Variants in ATP13A5 observed in about 807,000 individuals in gnomAD.
ATP13A5 encodes probable cation-transporting ATPase 13A5.
Under a neutral mutation model 150.2 loss-of-function variants are expected in ATP13A5, and 149 were observed. The observed-to-expected ratio is 0.99, with a 90% CI of 0.87 to 1.14. The LOEUF (loss-of-function observed/expected upper bound fraction) is 1.14, where lower values mean the gene tolerates loss of function less well. Ranked by LOEUF, ATP13A5 falls within the 50% of genes most tolerant of loss-of-function variation. ATP13A5 has a pLI of 0.00. For missense variants in ATP13A5, 1,383 were observed against 1,449.3 expected (o/e 0.95, Z 0.74); for synonymous variants, 497 against 522.2 (o/e 0.95, Z 0.66).
In ATP13A5 at chr3:193,344,075, C is replaced by A. The variant is rs1474050252; in HGVS notation, c.815-20G>T. 2 of 1,608,332 alleles carry A rather than the reference C, an allele frequency of 1.2e-6. No homozygotes were observed. The highest frequency in any genetic ancestry group is 1.7e-5 in the Admixed American group (1 of 59,062). On this transcript the variant is annotated intron_variant, in intron 8 of 29. Transcript: ENST00000342358. The stretch of plus-strand genomic sequence containing the variant: ...CCAAACCTACACCAAAGCAAAGTTT[C>A]CATGAATAGCTGACCTTTTCCTGTT...
rs1719267535 is a variant in ATP13A5, at chr3:193,321,354, G to A, written c.1915+327C>T. 2.0e-5 allele frequency among the ~76,000 whole-genome samples: 3 copies of A among 152,254 alleles called. No homozygotes were observed. The South Asian group carries it at 6.2e-4, about 32-fold the overall frequency. On this transcript the variant is annotated intron_variant, in intron 16 of 29. Transcript: ENST00000342358. Reference sequence around the variant, plus strand: ...GGCTTTATGTATTTGGTCTCGGCTGGCCGCGGTGGCTCACACCTATAATCC... The same window carrying A: ...GGCTTTATGTATTTGGTCTCGGCTGACCGCGGTGGCTCACACCTATAATCC...
At chr3:193,345,390 T>C (rs2108886186) in intron 7 of ATP13A5, among the ~76,000 whole-genome samples, 1 of 152,166 alleles carries the variant, frequency 6.6e-6, no homozygotes, top group East Asian at 1.9e-4. Context: ...AATGGGAGTT[T>C]AATTGAGGAA....
chr3:193,279,257 C>T, intron 28 of ATP13A5, 109 bp downstream of exon 28: 1 of 832,688 alleles, frequency 1.2e-6, no homozygotes, highest in South Asian at 1.7e-5. Context: ...AATAGCCTCA[C>T]AGTATTTGGT....
Position 193,364,227 on chromosome 3 carries a change from T to A in ATP13A5, c.117A>T (p.Ala39=). 1 of 1,614,126 alleles carries A rather than the reference T, an allele frequency of 6.2e-7. No homozygotes were observed. Among genetic ancestry groups the A allele is most frequent in the Non-Finnish European group, 8.5e-7 (1 of 1,179,960 alleles). ...GAAGGCCCCCACAGGTCAGCACGGA[T>A]GCGACAAGGCAGAAGGCTTTCCGTA... The part of the protein sequence containing the change: ...HNVRKAFCLV[A]SVLTCGGLLL... The change falls in exon 2 of 30, where the codon GCA becomes GCT. Residue 39 remains alanine, a synonymous_variant. Transcript: ENST00000342358.
intron 9 of ATP13A5, among the ~76,000 whole-genome samples, chr3:193,335,731 T>C (rs1009211736): frequency 6.6e-6 from 1 of 152,160 alleles, no homozygotes; most frequent in African/African-American, 2.4e-5. Flanking sequence ...TTGCCACTAC[T>C]GAATAAAGAC....
At chr3:193,294,013 G>T (rs966550098) in intron 25 of ATP13A5, among the ~76,000 whole-genome samples, 6 of 152,054 alleles carry the variant, frequency 3.9e-5, no homozygotes, top group African/African-American at 1.4e-4. Flanking sequence ...TCTAACCCAC[G>T]TCAGGTCGAT....
At chr3:193,363,914 G>T (rs1200836816) in intron 2 of ATP13A5, among the ~76,000 whole-genome samples, 193 bp downstream of exon 2, 1 of 152,024 alleles carries the variant, frequency 6.6e-6, no homozygotes, top group Admixed American at 6.6e-5. Context: ...TTCCTTCCTG[G>T]GTCAAAATGA....
intron 1 of ATP13A5, among the ~76,000 whole-genome samples, chr3:193,368,875 A>G (rs1713345158): frequency 6.6e-6 from 1 of 152,218 alleles, no homozygotes; most frequent in African/African-American, 2.4e-5. Context: ...TATTCTATGA[A>G]CCTCAAGTAG....
At position 193,362,565 on chromosome 3, in the gene ATP13A5, A is replaced by C; in HGVS notation, c.455+2T>G. The C allele has an allele frequency of 1.2e-6, 2 of 1,614,118 alleles. No homozygotes were observed. The highest frequency in any genetic ancestry group is 1.1e-5 in the South Asian group (1 of 91,084). On this transcript the variant is annotated splice_donor_variant, in intron 4 of 29. Transcript: ENST00000342358. LOFTEE classifies it high-confidence loss of function. ...CAAGGGGTGACAAAACATTGTACTTACCCAACTTTCTGAAACCGCTTCTCC... is the reference window on the plus strand; with the variant it reads ...CAAGGGGTGACAAAACATTGTACTTCCCCAACTTTCTGAAACCGCTTCTCC...
rs141586294 is a variant in ATP13A5 at position 193,277,168 on chromosome 3, A to T, written c.3316-338T>A. On this transcript the variant is annotated intron_variant, in intron 28 of 29. Transcript: ENST00000342358. The stretch of plus-strand genomic sequence containing the variant: ...TTATCTTTTCAAACAGAAGGCTAAG[A>T]TTAAATCATTCATCAAATAATGTTA... Among the ~76,000 whole-genome samples, 578 of 152,336 alleles carry T rather than the reference A, an allele frequency of 3.8e-3. 1 individual carries two copies. Among genetic ancestry groups the T allele is most frequent in the Non-Finnish European group, 5.9e-3 (401 of 68,032 alleles).
At chr3:193,313,058 A>G (rs1189897179) in intron 19 of ATP13A5, 2 of 152,194 alleles carry the variant, frequency 1.3e-5, no homozygotes, top group Non-Finnish European at 2.9e-5. Flanking sequence ...GTTAAAATTC[A>G]CAAAGGACCT....
intron 22 of ATP13A5, 22 bp downstream of exon 22, chr3:193,307,305 A>G (rs773797922): frequency 1.2e-6 from 2 of 1,613,556 alleles, no homozygotes; most frequent in East Asian, 2.2e-5. Context: ...GGCTTGTCTG[A>G]GCAAAAGCCA....
In ATP13A5 at chr3:193,314,956, A is replaced by T; in HGVS notation, c.2158+16T>A. On this transcript the variant is annotated intron_variant, in intron 18 of 29. Transcript: ENST00000342358. The stretch of plus-strand genomic sequence containing the variant: ...GATACAATCAACTTGCCAGGCCCCT[A>T]GAAACAAATACATACCTGTAATCAT... 1 of 1,610,530 alleles carries T rather than the reference A, an allele frequency of 6.2e-7. No individual in the cohort carries two copies. The highest frequency in any genetic ancestry group is 8.5e-7 in the Non-Finnish European group (1 of 1,177,794).
At chr3:193,345,242 C>A (rs1348773892) in intron 7 of ATP13A5, among the ~76,000 whole-genome samples, 167 bp from the exon 8 acceptor site, 1 of 152,184 alleles carries the variant, frequency 6.6e-6, no homozygotes, top group Non-Finnish European at 1.5e-5. Context: ...CCTACCTCAC[C>A]TGACCCCCTA....
Position 193,333,815 on chromosome 3 carries a change from C to T in ATP13A5, c.1207G>A (p.Val403Met), listed in dbSNP as rs147789936. The T allele has an allele frequency of 4.4e-5, 71 of 1,613,918 alleles. No homozygotes were observed. The highest frequency in any genetic ancestry group is 3.6e-4 in the South Asian group (33 of 91,068). ...ATGACACCAAGGCAGGCCAGGAACA[C>T]GATGAACTTGAAGGCATCGCTGTAT... ...KLYSDAFKFI[V>M]FLACLGVMGF... The change falls in exon 11 of 30, where the codon GTG becomes ATG. Residue 403 changes from valine to methionine, a missense_variant. By Grantham distance (21) the Val-to-Met change is conservative (BLOSUM62 1). Transcript: ENST00000342358.
chr3:193,290,344 C>A (rs1577327583), intron 25 of ATP13A5, among the ~76,000 whole-genome samples: 1 of 152,000 alleles, frequency 6.6e-6, no homozygotes, highest in African/African-American at 2.4e-5. Flanking sequence ...TCCTCCATAA[C>A]CAGACTGACC....
At chr3:193,299,072 G>T in intron 25 of ATP13A5, 59 bp downstream of exon 25, 2 of 1,410,388 alleles carry the variant, frequency 1.4e-6, no homozygotes, top group Admixed American at 2.3e-5. Context: ...TTGTGTGACT[G>T]TTTCTAGAAT....
chr3:193,311,789 C>G, intron 20 of ATP13A5, 27 bp downstream of exon 20: 2 of 1,612,302 alleles, frequency 1.2e-6, no homozygotes, highest in Non-Finnish European at 1.7e-6. Flanking sequence ...AGGAGCAAAA[C>G]AAAACACTTC....
In ATP13A5 at chr3:193,362,361, A is replaced by G; in HGVS notation, c.536+20T>C. 1 of 1,602,000 alleles carries G rather than the reference A, an allele frequency of 6.2e-7. No individual in the cohort carries two copies. The highest frequency in any genetic ancestry group is 1.3e-5 in the African/African-American group (1 of 74,788). On this transcript the variant is annotated intron_variant, in intron 5 of 29. Coordinates refer to ENST00000342358, the MANE Select transcript of ATP13A5 (RefSeq NM_198505.4). ...TTTCTGCTGGCAGAGTTTACTCTTA[A>G]GGCATATAATAAGTCCTACCTGACC...
Sources: allele counts gnomAD v4.1 joint callset (sites outside exome capture counted in the v4.1 genomes callset), GRCh38; gene constraint gnomAD v4.1.1; transcripts MANE v1.5; gene names NCBI Gene and HGNC (gene_info 2026-07-23, HGNC 2026-07-21).